CLASP2: variants seen among roughly 807,000 people sequenced by gnomAD.
CLASP2 encodes the protein cytoplasmic linker associated protein 2.
In CLASP2, 47 loss-of-function variants were observed where a neutral mutation model predicts 194.4. The observed-to-expected ratio is 0.24, with a 90% confidence interval of 0.19 to 0.31. The LOEUF is 0.31. Among genes scored for constraint, CLASP2 ranks in the 10% least tolerant of loss-of-function variants. The pLI is 1.00. For synonymous variants in CLASP2, 619 were observed against 633.5 expected (o/e 0.98, Z 0.34); for missense variants, 1,445 against 1,823.6 (o/e 0.79, Z 3.78).
chr3:33,555,522 C>G (rs1483846840), intron 29 of CLASP2, among the ~76,000 whole-genome samples: 1 of 151,988 alleles, frequency 6.6e-6, no homozygotes, highest in African/African-American at 2.4e-5. Context: ...TGCACCACCA[C>G]GTCCAGCTAA....
chr3:33,579,086 AAAAC>A (rs1299320007), intron 23 of CLASP2, among the ~76,000 whole-genome samples: 1 of 152,200 alleles, frequency 6.6e-6, no homozygotes, highest in East Asian at 1.9e-4. Flanking sequence ...TCATCCCTGC[AAAAC>A]AAACAGGGCT....
chr3:33,614,346 C>T (rs1337934854), intron 12 of CLASP2, among the ~76,000 whole-genome samples: 2 of 151,996 alleles, frequency 1.3e-5, no homozygotes, highest in African/African-American at 4.8e-5. Context: ...TAAATGACAT[C>T]AAGGATTTCA....
intron 18 of CLASP2, among the ~76,000 whole-genome samples, chr3:33,601,976 C>T (rs535927601): frequency 6.6e-6 from 1 of 151,628 alleles, no homozygotes; most frequent in African/African-American, 2.4e-5. Context: ...CTGAGCATCC[C>T]TAGGCATTGC....
intron 2 of CLASP2, among the ~76,000 whole-genome samples, chr3:33,691,147 A>C (rs144003074): frequency 6.6e-6 from 1 of 152,184 alleles, no homozygotes; most frequent in African/African-American, 2.4e-5. Context: ...ACTGGTTTGG[A>C]CTATCGGAGG....
chr3:33,647,985 A>T (rs1482678532), intron 7 of CLASP2, among the ~76,000 whole-genome samples: 1 of 152,004 alleles, frequency 6.6e-6, no homozygotes, highest in Non-Finnish European at 1.5e-5. Flanking sequence ...GTGAGCTGAG[A>T]TCGCACCACT....
chr3:33,525,437 TC>T (rs957086626), intron 34 of CLASP2, among the ~76,000 whole-genome samples: 1 of 151,666 alleles, frequency 6.6e-6, no homozygotes, highest in African/African-American at 2.4e-5. Context: ...ATGGGACTAA[TC>T]AAGGAAACAA....
rs1384842389 is a variant in CLASP2 at position 33,689,845 on chromosome 3, T to G, written c.362A>C (p.Gln121Pro). The G allele has an allele frequency of 8.2e-6, 13 of 1,588,992 alleles. No homozygotes were observed. Among genetic ancestry groups the G allele is most frequent in the Non-Finnish European group, 1.0e-5 (12 of 1,168,610 alleles). ...TAGGCTTACCATAGGTGGTGCTACT[T>G]GATCCATTAACTTCAATATCAGAGT... is the stretch of plus-strand genomic sequence containing the variant. ...AQTLILKLMD[Q>P]VAPPMYIWEQ... Residue 121 changes from glutamine (Q) to proline (P), a missense_variant, in exon 3 of 39, where the codon CAA becomes CCA. Physicochemically the swap from Gln to Pro is moderately conservative, Grantham distance 76. This residue lies in a region of CLASP2 where 332 missense variants were observed against 325.3 expected (regional missense o/e 1.02). Coordinates refer to ENST00000682230, the MANE Select transcript of CLASP2 (RefSeq NM_001365631.1).
chr3:33,656,318 A>G (rs2154327440), intron 7 of CLASP2, among the ~76,000 whole-genome samples: 1 of 152,346 alleles, frequency 6.6e-6, no homozygotes, highest in South Asian at 2.1e-4. Flanking sequence ...AAACAACCAC[A>G]AAAAGGTCAA....
chr3:33,531,541 C>A (rs1169199823), intron 34 of CLASP2, among the ~76,000 whole-genome samples: 46 of 152,106 alleles, frequency 3.0e-4, no homozygotes, highest in Admixed American at 3.0e-3. Flanking sequence ...TTTGGGAGGC[C>A]GAGGAGGGTG....
intron 8 of CLASP2, among the ~76,000 whole-genome samples, chr3:33,641,078 T>C (rs1342253656): frequency 2.0e-5 from 3 of 152,024 alleles, no homozygotes; most frequent in Admixed American, 6.5e-5. Flanking sequence ...CTTCTCCAAA[T>C]TGCAGTTTGC....
intron 34 of CLASP2, among the ~76,000 whole-genome samples, chr3:33,517,831 T>A (rs1278275491): frequency 6.6e-6 from 1 of 152,100 alleles, no homozygotes; most frequent in Non-Finnish European, 1.5e-5. Context: ...CCCAGCTAAT[T>A]TTTGTGGAGA....
Position 33,685,668 on chromosome 3 carries a change from C to T in CLASP2, c.547-1212G>A, listed in dbSNP as rs145259214. Among the ~76,000 whole-genome samples, 282 of 152,208 alleles carry T rather than the reference C, an allele frequency of 1.9e-3. 6 individuals are homozygous for T. Among genetic ancestry groups the T allele is most frequent in the Non-Finnish European group, 8.4e-4 (57 of 68,022 alleles). On this transcript the variant is annotated intron_variant, in intron 5 of 38. Transcript: ENST00000682230. ...ATTCTGATACATGCTACAAGATGGA[C>T]GTACCTTGAAGACATTATGCTAAAT...
At chr3:33,704,475 G>A (rs765957725) in intron 1 of CLASP2, among the ~76,000 whole-genome samples, 1 of 152,166 alleles carries the variant, frequency 6.6e-6, no homozygotes, top group Non-Finnish European at 1.5e-5. Flanking sequence ...ATGGCAGCCA[G>A]GCACAGTGGC....
intron 6 of CLASP2, among the ~76,000 whole-genome samples, chr3:33,677,509 A>C (rs1436161989): frequency 7.0e-6 from 1 of 143,294 alleles, no homozygotes; most frequent in Non-Finnish European, 1.5e-5. Flanking sequence ...AACGATGAGA[A>C]CACATGGACA....
At chr3:33,715,066 A>G (rs1004900566) in intron 1 of CLASP2, among the ~76,000 whole-genome samples, 3 of 152,154 alleles carry the variant, frequency 2.0e-5, no homozygotes, top group African/African-American at 7.2e-5. Context: ...GGCTGGCTTT[A>G]TGTTCCTCAA....
chr3:33,551,020 T>C (rs1478067687), intron 30 of CLASP2, among the ~76,000 whole-genome samples: 1 of 152,232 alleles, frequency 6.6e-6, no homozygotes, highest in African/African-American at 2.4e-5. Context: ...CGAATGGTGA[T>C]AAAATTAGAG....
chr3:33,607,763 T>C (rs1560285866), intron 14 of CLASP2, among the ~76,000 whole-genome samples: 3 of 152,018 alleles, frequency 2.0e-5, no homozygotes, highest in Non-Finnish European at 2.9e-5. Flanking sequence ...TTTAATAAAT[T>C]AGAGAAAAAA....
intron 27 of CLASP2, among the ~76,000 whole-genome samples, chr3:33,563,788 T>C (rs1481926282): frequency 6.6e-6 from 1 of 152,202 alleles, no homozygotes. Flanking sequence ...ACAAAATCCT[T>C]TACTGTTCCT....
chr3:33,670,964 A>G (rs1435900435), intron 6 of CLASP2, among the ~76,000 whole-genome samples: 1 of 152,172 alleles, frequency 6.6e-6, no homozygotes, highest in African/African-American at 2.4e-5. Context: ...CTATTTAATT[A>G]GACTTAACCT....
Sources: allele counts gnomAD v4.1 joint callset (sites outside exome capture counted in the v4.1 genomes callset), GRCh38; gene constraint gnomAD v4.1.1; regional missense constraint gnomAD v4.1.1; transcripts MANE v1.5; gene names NCBI Gene and HGNC (gene_info 2026-07-23, HGNC 2026-07-21).